The following SNRPC variants were observed in gnomAD, a reference collection of about 807,000 sequenced individuals.
The protein encoded by SNRPC is U1 small nuclear ribonucleoprotein C.
SNRPC carries 5 observed loss-of-function variants against 20.0 expected under a neutral mutation model. That is an observed-to-expected ratio of 0.25 (90% confidence interval 0.13 to 0.53). SNRPC has a LOEUF of 0.53. Among genes scored for constraint, SNRPC ranks in the 20% least tolerant of loss-of-function variants. The probability of loss-of-function intolerance (pLI) is 0.96; values close to 1 mark genes in which losing one functional copy is unlikely to be tolerated. For missense variants in SNRPC, 112 were observed against 224.1 expected, an observed-to-expected ratio of 0.50 and a Z score of 3.19; for synonymous variants, 61 against 58.7, an observed-to-expected ratio of 1.04 and a Z score of -0.18.
At chr6:34,761,884 C>T (rs1414800973) in intron 2 of SNRPC, among the ~76,000 whole-genome samples, 1 of 152,026 alleles carries the variant, frequency 6.6e-6, no homozygotes, top group Non-Finnish European at 1.5e-5. Context: ...GTGATCTTGG[C>T]TCACTGTAGC....
At chr6:34,761,513 A>ATTTTTTTT (rs869059984) in intron 2 of SNRPC, among the ~76,000 whole-genome samples, 6 of 85,650 alleles carry the variant, frequency 7.0e-5, no homozygotes, top group Non-Finnish European at 1.1e-4. Flanking sequence ...ACAAGGAACA[A>ATTTTTTTT]TTTTTTTTTT....
At chr6:34,758,228 T>TGATCAGGC (rs1764479335) in intron 2 of SNRPC, among the ~76,000 whole-genome samples, 1 of 152,104 alleles carries the variant, frequency 6.6e-6, no homozygotes, top group African/African-American at 2.4e-5. Flanking sequence ...CAGTGAGGCA[T>TGATCAGGC]GATCAGGCAC....
At chr6:34,758,563 C>T (rs939778454) in intron 2 of SNRPC, among the ~76,000 whole-genome samples, 2 of 152,128 alleles carry the variant, frequency 1.3e-5, no homozygotes, top group Admixed American at 6.6e-5. Context: ...GATCTGTCCT[C>T]CTCGGCCTCC....
At chr6:34,765,875 G>C (rs1238549418) in intron 3 of SNRPC, among the ~76,000 whole-genome samples, 1 of 151,708 alleles carries the variant, frequency 6.6e-6, no homozygotes, top group Non-Finnish European at 1.5e-5. Context: ...AGTAGGTAGG[G>C]CTACAGGTGC....
intron 4 of SNRPC, among the ~76,000 whole-genome samples, chr6:34,768,648 A>G (rs1345486657): frequency 6.6e-6 from 1 of 150,858 alleles, no homozygotes; most frequent in Non-Finnish European, 1.5e-5. Context: ...GCTACTCAGG[A>G]GGCTGAGGCA....
At chr6:34,767,515 G>A (rs1374529079) in intron 3 of SNRPC, among the ~76,000 whole-genome samples, 12 of 152,196 alleles carry the variant, frequency 7.9e-5, no homozygotes, top group Non-Finnish European at 1.8e-4. Context: ...TCGGGAGGAT[G>A]AATTGAGAGG....
intron 5 of SNRPC, 120 bp downstream of exon 5, chr6:34,770,515 T>C (rs1581593639): frequency 7.7e-6 from 5 of 645,370 alleles, no homozygotes; most frequent in Admixed American, 5.6e-5. Context: ...GGAGTTGTGC[T>C]CCACCTCTGA....
In SNRPC at chr6:34,773,520, C is replaced by T. The variant is rs772329448; in HGVS notation, c.430C>T (p.Arg144Cys). 6 of 1,613,562 alleles carry T rather than the reference C, an allele frequency of 3.7e-6. No homozygotes were observed. Among genetic ancestry groups the T allele is most frequent in the South Asian group, 1.1e-5 (1 of 91,076 alleles). The change falls in exon 6 of 6, where the codon CGT (arginine) becomes TGT (cysteine). Residue 144 changes from arginine to cysteine, a missense_variant. By Grantham distance (180) the Arg-to-Cys change is radical (BLOSUM62 -3). Coordinates refer to ENST00000244520, the MANE Select transcript of SNRPC (RefSeq NM_003093.3). The surrounding 1 kb of genome is among the most constrained non-coding windows in gnomAD (Gnocchi z 4.1). ...GCCCCCAATGATGAGACCTCCTGCCCGTCCCATGATGGTGCCCACTCGGCC... is the reference window on the plus strand; with the variant it reads ...GCCCCCAATGATGAGACCTCCTGCCTGTCCCATGATGGTGCCCACTCGGCC... Reference protein sequence around the residue: ...PGPPMMRPPARPMMVPTRPGM... With the variant: ...PGPPMMRPPACPMMVPTRPGM...
At chr6:34,757,674 A>G (rs1484848139) in intron 1 of SNRPC, 123 bp downstream of exon 1, 1 of 1,378,112 alleles carries the variant, frequency 7.3e-7, no homozygotes, top group East Asian at 2.4e-5. Flanking sequence ...GGCCGGGTGG[A>G]CGGAGGCAGG....
chr6:34,759,700 A>G (rs1015128338), intron 2 of SNRPC, among the ~76,000 whole-genome samples: 1 of 152,214 alleles, frequency 6.6e-6, no homozygotes, highest in African/African-American at 2.4e-5. Context: ...GTTTGGCATC[A>G]TCAGTGAAAA....
chr6:34,757,568 A>G lies in SNRPC; in HGVS notation c.8+17A>G. 1 of 1,611,906 alleles carries G rather than the reference A, an allele frequency of 6.2e-7. No homozygotes were observed. The highest frequency in any genetic ancestry group is 8.5e-7 in the Non-Finnish European group (1 of 1,178,114). The stretch of plus-strand genomic sequence containing the variant: ...CATGCCCAAGTGAGTGGGGCCCCGA[A>G]ATCTGAGGGTGATCGTAGTCACTAG... On this transcript the variant is annotated intron_variant, in intron 1 of 5. Coordinates refer to ENST00000244520, the MANE Select transcript of SNRPC (RefSeq NM_003093.3).
intron 3 of SNRPC, among the ~76,000 whole-genome samples, chr6:34,765,030 A>G (rs981839212): frequency 3.3e-5 from 5 of 152,062 alleles, no homozygotes; most frequent in Admixed American, 2.0e-4. Flanking sequence ...GAAAAAAAAA[A>G]CTAGACAAGC....
chr6:34,757,666 C>A, intron 1 of SNRPC, 115 bp downstream of exon 1: 1 of 1,381,754 alleles, frequency 7.2e-7, no homozygotes, highest in Non-Finnish European at 1.0e-6. Flanking sequence ...AGTATCTGGG[C>A]CGGGTGGACG....
chr6:34,763,544 G>T (rs1291012019), intron 3 of SNRPC, among the ~76,000 whole-genome samples: 1 of 151,192 alleles, frequency 6.6e-6, no homozygotes, highest in East Asian at 2.0e-4. Flanking sequence ...AGCGGGGCGT[G>T]GTGGTGCCTG....
chr6:34,769,019 C>G (rs950092406), intron 4 of SNRPC, among the ~76,000 whole-genome samples: 1 of 152,056 alleles, frequency 6.6e-6, no homozygotes, highest in African/African-American at 2.4e-5. Flanking sequence ...TAGTTGCACA[C>G]TAATGTAGGT....
Position 34,773,612 on chromosome 6 carries a change from G to A in SNRPC, c.*42G>A. 5 of 1,584,016 alleles carry A rather than the reference G, an allele frequency of 3.2e-6. No individual in the cohort carries two copies. Among genetic ancestry groups the A allele is most frequent in the African/African-American group, 1.3e-5 (1 of 74,432 alleles). On this transcript the variant is annotated 3_prime_UTR_variant, in exon 6 of 6. Transcript: ENST00000244520. This position sits in a 1 kb window ranked among gnomAD's most constrained non-coding sequence, Gnocchi z 4.1. ...TTATTGTATCGGTTTTATATTACCT[G>A]TTCTGCTTCACCAGGAGATCATGCT...
chr6:34,765,134 C>T (rs1358478012), intron 3 of SNRPC, among the ~76,000 whole-genome samples: 3 of 152,122 alleles, frequency 2.0e-5, no homozygotes, highest in African/African-American at 7.2e-5. Context: ...TTCTCAACCT[C>T]GATACTGTTG....
chr6:34,757,849 C>T, intron 1 of SNRPC, 63 bp from the exon 2 acceptor site: 1 of 1,611,280 alleles, frequency 6.2e-7, no homozygotes, highest in African/African-American at 1.4e-5. Context: ...CCATGAACAG[C>T]GCTTCCGTGG....
chr6:34,772,441 TTAG>T (rs1764703173), intron 5 of SNRPC, among the ~76,000 whole-genome samples: 1 of 152,198 alleles, frequency 6.6e-6, no homozygotes, highest in African/African-American at 2.4e-5. Flanking sequence ...TATTTAGAAG[TTAG>T]TAGTATTCTC....
Sources: gnomAD v4.1 joint callset for allele counts (sites outside exome capture counted in the v4.1 genomes callset) on GRCh38, gnomAD v4.1.1 for gene constraint, Gnocchi (gnomAD v3.1) non-coding constraint, MANE v1.5 for transcripts, NCBI Gene and HGNC (gene_info 2026-07-23, HGNC 2026-07-21) for gene names.